The following STAT5B variants were observed in gnomAD, a reference collection of about 807,000 sequenced individuals.
STAT5B encodes transcription factor STAT5B.
STAT5B carries 21 observed loss-of-function variants against 107.8 expected under a neutral mutation model. That is an observed-to-expected ratio of 0.19 (90% CI 0.14 to 0.28). STAT5B has a LOEUF of 0.28. Ranked by LOEUF, STAT5B falls within the 10% of genes least tolerant of loss-of-function variation. The probability of loss-of-function intolerance (pLI) is 1.00; values close to 1 mark genes in which losing one functional copy is unlikely to be tolerated. For synonymous variants in STAT5B, 325 were observed against 401.7 expected (o/e 0.81, Z 2.28); for missense variants, 565 against 1,008.2 (o/e 0.56, Z 5.95).
At chr17:42,240,753 G>A (rs1199258739) in intron 1 of STAT5B, among the ~76,000 whole-genome samples, 1 of 152,164 alleles carries the variant, frequency 6.6e-6, no homozygotes, top group Non-Finnish European at 1.5e-5. Context: ...TTGCACCACT[G>A]CACCAGGCTG....
At chr17:42,222,018 TGTG>T (rs767986137) in intron 5 of STAT5B, among the ~76,000 whole-genome samples, 11 of 132,338 alleles carry the variant, frequency 8.3e-5, no homozygotes, top group East Asian at 4.5e-4. Flanking sequence ...CTGTGTGTGG[TGTG>T]GTGTGTGTGG....
At chr17:42,222,190 TCTGTGTGTG>T (rs1391552933) in intron 5 of STAT5B, among the ~76,000 whole-genome samples, 1 of 150,044 alleles carries the variant, frequency 6.7e-6, no homozygotes, top group East Asian at 2.0e-4. Context: ...TGCTGTGTTG[TCTGTGTGTG>T]CTGTGTGTGT....
chr17:42,227,517 GCCCACA>G lies in STAT5B; in HGVS notation c.285+6_285+11del. On this transcript the variant is annotated splice_donor_region_variant and intron_variant, in intron 3 of 18. Transcript: ENST00000293328. ...GAAGGTAATTAAGTGTGACCCCAGA[GCCCACA>G]CCCACCTGGAGCTGTGTGGCATAGT... 3 of 1,612,846 alleles carry G rather than the reference GCCCACA, an allele frequency of 1.9e-6. No homozygotes were observed. The highest frequency in any genetic ancestry group is 2.5e-6 in the Non-Finnish European group (3 of 1,179,846).
At chr17:42,275,816 T>C (rs1433672206) in intron 1 of STAT5B, among the ~76,000 whole-genome samples, 1 of 145,678 alleles carries the variant, frequency 6.9e-6, no homozygotes, top group African/African-American at 2.6e-5. Context: ...ATCCCCGGAG[T>C]CCCGGGAACC....
At chr17:42,209,343 C>A (rs541039532) in intron 15 of STAT5B, among the ~76,000 whole-genome samples, 7 of 152,334 alleles carry the variant, frequency 4.6e-5, no homozygotes, top group African/African-American at 1.7e-4. Flanking sequence ...GCATGAGCCA[C>A]CGCACCCAGC....
chr17:42,282,308 A>G, the STAT5B span, among the ~76,000 whole-genome samples: 1 of 151,856 alleles, frequency 6.6e-6, no homozygotes, highest in African/African-American at 2.4e-5. Flanking sequence ...AGCACCTACA[A>G]TGCACCAGCC....
intron 15 of STAT5B, among the ~76,000 whole-genome samples, chr17:42,209,220 T>C (rs962689096): frequency 6.6e-6 from 1 of 151,610 alleles, no homozygotes; most frequent in Non-Finnish European, 1.5e-5. Context: ...ATTAACTTAT[T>C]TATTTATTTA....
chr17:42,273,857 CGACTT>C (rs1317591307), intron 1 of STAT5B, among the ~76,000 whole-genome samples: 1 of 152,038 alleles, frequency 6.6e-6, no homozygotes, highest in African/African-American at 2.4e-5. Context: ...TGAAAAAACT[CGACTT>C]AAGTATCAAA....
rs1202277105 is a variant in STAT5B, at chr17:42,219,233, A to C, written c.833+79T>G. 55 of 1,529,702 alleles carry C rather than the reference A, an allele frequency of 3.6e-5. 1 individual carries two copies. Among genetic ancestry groups the C allele is most frequent in the Non-Finnish European group, 4.7e-5 (53 of 1,133,148 alleles). 94.8% of individuals were successfully genotyped at this position (1,529,702 alleles called of 1,614,324 possible). ...CAGGATGGAGGGGGCCTGCTGCAGG[A>C]GCCAGCACAGGACGCAGAAGCAGCC... On this transcript the variant is annotated intron_variant, in intron 7 of 18. Coordinates refer to ENST00000293328, the MANE Select transcript of STAT5B (RefSeq NM_012448.4).
intron 1 of STAT5B, chr17:42,272,380 C>A (rs952382950): frequency 2.0e-5 from 3 of 152,148 alleles, no homozygotes; most frequent in African/African-American, 4.8e-5. Context: ...TTTGAAGCAC[C>A]GACATTCAAG....
At chr17:42,234,711 A>T (rs1229414043) in intron 1 of STAT5B, 6 of 152,198 alleles carry the variant, frequency 3.9e-5, no homozygotes, top group Admixed American at 3.9e-4. Context: ...ATTACAAAAC[A>T]ATTAGCCAGG....
chr17:42,235,794 C>T (rs1415935769), intron 1 of STAT5B, among the ~76,000 whole-genome samples: 2 of 152,104 alleles, frequency 1.3e-5, no homozygotes, highest in Non-Finnish European at 2.9e-5. Flanking sequence ...ATCTTATTCA[C>T]GACTGTGTCC....
At chr17:42,202,549 G>A in intron 17 of STAT5B, 102 bp from the exon 18 acceptor site, 2 of 1,482,294 alleles carry the variant, frequency 1.3e-6, no homozygotes, top group Non-Finnish European at 1.9e-6. Flanking sequence ...GGGTGTAGAA[G>A]GACAAAGTGC....
At position 42,219,362 on chromosome 17, in the gene STAT5B, C is replaced by T; in HGVS notation, c.783G>A (p.Leu261=). ...CCTCGGGGGGCCCGCCGTTCCCGGC[C>T]AGCTGCTGCCGCCGCTTCCACTGGA... ...ELIQWKRRQQ[L]AGNGGPPEGS... is the part of the protein sequence containing the mutation. Residue 261 remains leucine, a synonymous_variant, in exon 7 of 19, where the codon CTG becomes CTA. Transcript: ENST00000293328. 1.3e-6 allele frequency: 2 copies of T among 1,488,682 alleles called. No homozygotes were observed. The allele number at this position is 1,488,682 out of a possible 1,614,324, so 92.2% of individuals were successfully genotyped here. A position where few individuals can be genotyped will look rare whatever the true frequency, so the allele number is the denominator to read the frequency against.
chr17:42,279,441 G>A (rs928579559), upstream of STAT5B, among the ~76,000 whole-genome samples: 8 of 152,158 alleles, frequency 5.3e-5, no homozygotes, highest in African/African-American at 1.9e-4. Context: ...CAAGACCGGC[G>A]GTCTAGGACT....
chr17:42,268,890 A>G (rs930200614), intron 1 of STAT5B, among the ~76,000 whole-genome samples: 6 of 152,226 alleles, frequency 3.9e-5, no homozygotes, highest in Admixed American at 3.3e-4. Context: ...AATGAATGCT[A>G]TATTACAAAG....
At chr17:42,261,862 AT>A (rs1285921959) in intron 1 of STAT5B, among the ~76,000 whole-genome samples, 1 of 152,032 alleles carries the variant, frequency 6.6e-6, no homozygotes, top group Non-Finnish European at 1.5e-5. Flanking sequence ...GCCCAGCCAG[AT>A]TTTTTTCTAA....
chr17:42,280,523 C>T (rs2080791281), upstream of STAT5B, among the ~76,000 whole-genome samples: 1 of 151,762 alleles, frequency 6.6e-6, no homozygotes, highest in Non-Finnish European at 1.5e-5. Flanking sequence ...TCCCAGGAGT[C>T]AGGCTGACCC....
In STAT5B at chr17:42,210,344, C is replaced by T. The variant is rs757748627; in HGVS notation, c.1776-43G>A. 1.1e-5 allele frequency: 18 copies of T among 1,614,080 alleles called. No homozygotes were observed. The East Asian group carries it at 2.4e-4, about 22-fold the overall frequency. On this transcript the variant is annotated intron_variant, in intron 14 of 18. Transcript: ENST00000293328. ...AAGGACAGAAGCAGAGTGTGACTTACGATGCCAGAGAGAAGACCTTCAGAC... is the reference window on the plus strand; with the variant it reads ...AAGGACAGAAGCAGAGTGTGACTTATGATGCCAGAGAGAAGACCTTCAGAC...
Sources: allele counts gnomAD v4.1 joint callset (sites outside exome capture counted in the v4.1 genomes callset), GRCh38; gene constraint gnomAD v4.1.1; transcripts MANE v1.5; gene names NCBI Gene and HGNC (gene_info 2026-07-23, HGNC 2026-07-21).